Variants in GPHN observed in about 807,000 individuals in gnomAD.
GPHN encodes the protein gephyrin.
GPHN carries 17 observed loss-of-function variants against 95.5 expected under a neutral mutation model. The observed-to-expected ratio is 0.18, with a 90% CI of 0.12 to 0.27. The LOEUF is 0.27. GPHN is among the 10% of genes least tolerant of loss of function. The pLI is 1.00. For missense variants in GPHN, 660 were observed against 978.1 expected, an observed-to-expected ratio of 0.67 and a Z score of 4.34; for synonymous variants, 320 against 322.5, an observed-to-expected ratio of 0.99 and a Z score of 0.08.
At chr14:66,953,762 G>T (rs1029967835) in intron 8 of GPHN, among the ~76,000 whole-genome samples, 13 of 152,134 alleles carry the variant, frequency 8.5e-5, no homozygotes, top group African/African-American at 2.9e-4. Flanking sequence ...GCCTGACACG[G>T]TGGCTCACAC....
At chr14:67,067,116 G>A (rs2076091205) in intron 11 of GPHN, among the ~76,000 whole-genome samples, 1 of 152,136 alleles carries the variant, frequency 6.6e-6, no homozygotes, top group South Asian at 2.1e-4. Flanking sequence ...TGGGGTTTTG[G>A]TGTGGATGTC....
chr14:66,708,061 C>T (rs1566848949), intron 2 of GPHN, among the ~76,000 whole-genome samples: 1 of 152,020 alleles, frequency 6.6e-6, no homozygotes, highest in Non-Finnish European at 1.5e-5. Flanking sequence ...CTAAAGATTT[C>T]CAAGTGAATT....
chr14:66,847,081 A>G (rs2062370840), intron 4 of GPHN, among the ~76,000 whole-genome samples: 2 of 152,088 alleles, frequency 1.3e-5, no homozygotes, highest in Admixed American at 6.6e-5. Context: ...TTTCATTCCT[A>G]TTACTCAGTA....
At chr14:66,688,622 C>T (rs992355907) in intron 2 of GPHN, among the ~76,000 whole-genome samples, 2 of 152,072 alleles carry the variant, frequency 1.3e-5, no homozygotes, top group Admixed American at 6.5e-5. Flanking sequence ...TTCTATATGT[C>T]GTCTACAACA....
chr14:67,345,001 G>A, the GPHN span, among the ~76,000 whole-genome samples: 2 of 152,180 alleles, frequency 1.3e-5, no homozygotes, highest in Non-Finnish European at 2.9e-5. Flanking sequence ...CAGCACTTTG[G>A]AAGGATGAGG....
At chr14:67,356,304 C>T in the GPHN span, among the ~76,000 whole-genome samples, 4 of 151,796 alleles carry the variant, frequency 2.6e-5, no homozygotes, top group Non-Finnish European at 5.9e-5. Flanking sequence ...CCCTGTGGTC[C>T]CAGCTACTCA....
At chr14:67,516,303 C>A in the GPHN span, among the ~76,000 whole-genome samples, 3 of 152,146 alleles carry the variant, frequency 2.0e-5, no homozygotes, top group Non-Finnish European at 4.4e-5. Flanking sequence ...ACTAACCCAT[C>A]CGGAGAGGGT....
At chr14:67,032,934 C>G (rs1226097386) in intron 10 of GPHN, among the ~76,000 whole-genome samples, 1 of 151,900 alleles carries the variant, frequency 6.6e-6, no homozygotes, top group East Asian at 1.9e-4. Flanking sequence ...CTCAAAGAAA[C>G]AGAGATTTAT....
intron 12 of GPHN, 123 bp downstream of exon 12, chr14:67,089,198 G>T: frequency 1.7e-6 from 1 of 585,040 alleles, no homozygotes; most frequent in Non-Finnish European, 3.0e-6. Flanking sequence ...CAACTGTTAG[G>T]TTTGTTTCCC....
chr14:67,181,157 A>C lies in GPHN; in HGVS notation c.*220A>C. Reference sequence around the variant, plus strand: ...TTCTGTTCTGATTATATCAAGGCAAATTTTTCCTTTCTTGCAAATTGCTTT... The same window carrying C: ...TTCTGTTCTGATTATATCAAGGCAACTTTTTCCTTTCTTGCAAATTGCTTT... On this transcript the variant is annotated 3_prime_UTR_variant, in exon 23 of 23. Transcript: ENST00000478722. 1 of 587,364 alleles carries C rather than the reference A, an allele frequency of 1.7e-6. No individual in the cohort carries two copies. The highest frequency in any genetic ancestry group is 3.0e-6 in the Non-Finnish European group (1 of 334,310). 36.4% of individuals were successfully genotyped at this position (587,364 alleles called of 1,614,324 possible).
At chr14:67,368,303 C>T in the GPHN span, among the ~76,000 whole-genome samples, 1 of 152,090 alleles carries the variant, frequency 6.6e-6, no homozygotes, top group Non-Finnish European at 1.5e-5. Flanking sequence ...TGACTTACAG[C>T]AGGGAGAATT....
chr14:67,019,381 T>TCGTC (rs976950679), intron 9 of GPHN, among the ~76,000 whole-genome samples: 1 of 152,168 alleles, frequency 6.6e-6, no homozygotes, highest in Non-Finnish European at 1.5e-5. Flanking sequence ...CTAATGTCCT[T>TCGTC]CAAAGAAGAT....
chr14:67,089,132 T>C lies in GPHN; in HGVS notation c.1237+57T>C, dbSNP rs2077039949. ...GGCACTGTATTTTTTTTTCTTTTTT[T>C]CTTTTTTTTTTTTTTTTTTTTTTTT... On this transcript the variant is annotated intron_variant, in intron 12 of 22. Transcript: ENST00000478722. 3 of 449,616 alleles carry C rather than the reference T, an allele frequency of 6.7e-6. No homozygotes were observed. In the Admixed American group the frequency reaches 1.8e-4, roughly 27 times the overall value. The allele number at this position is 449,616 out of a possible 1,614,324, so 27.9% of individuals were successfully genotyped here.
intron 1 of GPHN, among the ~76,000 whole-genome samples, chr14:66,614,310 C>G (rs142605414): frequency 1.2e-3 from 190 of 152,208 alleles, no homozygotes; most frequent in African/African-American, 4.2e-3. Context: ...GGTACCAGAA[C>G]AAGATTTCAA....
chr14:67,600,330 C>G, the GPHN span: 5 of 774,980 alleles, frequency 6.5e-6, no homozygotes, highest in South Asian at 1.0e-4. Flanking sequence ...CCTGCGCAGC[C>G]TCAGTTGCGC....
the GPHN span, among the ~76,000 whole-genome samples, chr14:67,611,958 A>C: frequency 2.6e-5 from 4 of 152,332 alleles, no homozygotes; most frequent in East Asian, 7.7e-4. Context: ...GATGGGAGAC[A>C]GTGACAGATC....
chr14:66,792,020 A>T (rs751303573), intron 3 of GPHN, among the ~76,000 whole-genome samples: 4 of 152,118 alleles, frequency 2.6e-5, no homozygotes, highest in Non-Finnish European at 5.9e-5. Context: ...TAAAACCATC[A>T]TGTCTCATGA....
chr14:67,290,178 C>T, the GPHN span, among the ~76,000 whole-genome samples: 1 of 152,078 alleles, frequency 6.6e-6, no homozygotes, highest in Non-Finnish European at 1.5e-5. Context: ...CTCAATAGGA[C>T]TTTTCTTTTT....
At chr14:66,691,216 C>T (rs971529319) in intron 2 of GPHN, among the ~76,000 whole-genome samples, 1 of 151,702 alleles carries the variant, frequency 6.6e-6, no homozygotes, top group African/African-American at 2.4e-5. Context: ...GATGGAGTCT[C>T]ACTCTGTCAC....
Sources: allele counts gnomAD v4.1 joint callset (sites outside exome capture counted in the v4.1 genomes callset), GRCh38; gene constraint gnomAD v4.1.1; transcripts MANE v1.5; gene names NCBI Gene and HGNC (gene_info 2026-07-23, HGNC 2026-07-21).